The following PXDNL variants were observed in gnomAD, a reference collection of about 807,000 sequenced individuals.
PXDNL encodes peroxidasin like.
PXDNL carries 145 observed loss-of-function variants against 150.8 expected under a neutral mutation model. That is an observed-to-expected ratio of 0.96 (90% CI 0.84 to 1.10). The LOEUF (loss-of-function observed/expected upper bound fraction) is 1.10, where lower values mean the gene tolerates loss of function less well. PXDNL is among the 50% of genes least tolerant of loss of function. The pLI, the probability that PXDNL is intolerant of heterozygous loss-of-function variation, is 0.00. For synonymous variants in PXDNL, 757 were observed against 725.7 expected (o/e 1.04, Z -0.69); for missense variants, 2,087 against 1,873.9 (o/e 1.11, Z -2.10).
At chr8:51,753,771 A>G (rs2037070568) in intron 1 of PXDNL, among the ~76,000 whole-genome samples, 1 of 152,268 alleles carries the variant, frequency 6.6e-6, no homozygotes, top group South Asian at 2.1e-4. Flanking sequence ...AAAGCTGATC[A>G]TCTACAGCAA....
chr8:51,323,913 T>C (rs545565263), intron 21 of PXDNL, among the ~76,000 whole-genome samples: 56 of 125,980 alleles, frequency 4.4e-4, no homozygotes, highest in African/African-American at 1.9e-3. Flanking sequence ...CAAAACTTCA[T>C]CTCAAAAAAA....
intron 19 of PXDNL, among the ~76,000 whole-genome samples, chr8:51,353,444 G>T (rs1806412661): frequency 6.6e-6 from 1 of 151,582 alleles, no homozygotes; most frequent in Non-Finnish European, 1.5e-5. Flanking sequence ...CATAAATTTT[G>T]ATAATAATGT....
At chr8:51,483,777 T>C in intron 5 of PXDNL, 63 bp from the exon 6 acceptor site, 2 of 977,270 alleles carry the variant, frequency 2.0e-6, no homozygotes, top group Non-Finnish European at 3.1e-6. Context: ...AAACAAAACC[T>C]TTCTTTCACC....
In PXDNL at chr8:51,420,267, T is replaced by C. The variant is rs117252813; in HGVS notation, c.1795+3308A>G. 1.4e-3 allele frequency among the ~76,000 whole-genome samples: 212 copies of C among 152,310 alleles called. 9 individuals carry two copies. In the East Asian group the frequency reaches 0.038, roughly 27 times the overall value. Reference sequence around the variant, plus strand: ...CTCCTGTAAGGTATGAACTTTTCCTTTTAGTTATAATGACCTGGTGAATGA... The same window carrying C: ...CTCCTGTAAGGTATGAACTTTTCCTCTTAGTTATAATGACCTGGTGAATGA... On this transcript the variant is annotated intron_variant, in intron 14 of 22. Coordinates refer to ENST00000356297, the MANE Select transcript of PXDNL (RefSeq NM_144651.5).
Position 51,453,588 on chromosome 8 carries a change from C to A in PXDNL, c.1180G>T (p.Gly394Cys). 1 of 1,613,996 alleles carries A rather than the reference C, an allele frequency of 6.2e-7. No homozygotes were observed. Among genetic ancestry groups the A allele is most frequent in the Non-Finnish European group, 8.5e-7 (1 of 1,179,882 alleles). The change falls in exon 10 of 23, where the codon GGT becomes TGT. Residue 394 changes from glycine to cysteine, a missense_variant. By Grantham distance (159) the Gly-to-Cys change is radical. Coordinates refer to ENST00000356297, the MANE Select transcript of PXDNL (RefSeq NM_144651.5). ...YLQNITQRDHGRFTCHANNSH... is the reference protein window; with the variant it reads ...YLQNITQRDHCRFTCHANNSH... ...TTGTTGGCATGACAGGTAAATCGAC[C>A]ATGATCCCGTTGTGTGATGTTCTGT...
At chr8:51,601,342 T>A (rs957996712) in intron 2 of PXDNL, among the ~76,000 whole-genome samples, 3 of 152,084 alleles carry the variant, frequency 2.0e-5, no homozygotes, top group Admixed American at 2.0e-4. Context: ...TGAATATTAC[T>A]GTGTGGCTGT....
intron 17 of PXDNL, among the ~76,000 whole-genome samples, chr8:51,388,689 C>G (rs1339887260): frequency 6.6e-6 from 1 of 152,094 alleles, no homozygotes; most frequent in Non-Finnish European, 1.5e-5. Context: ...CCTCTTGGAA[C>G]TTCTATAAAT....
chr8:51,597,400 A>C (rs1813593476), intron 2 of PXDNL, among the ~76,000 whole-genome samples: 1 of 152,094 alleles, frequency 6.6e-6, no homozygotes, highest in Non-Finnish European at 1.5e-5. Flanking sequence ...TTAGGGTTTC[A>C]TATAAATTTT....
rs558606394 is a variant in PXDNL at position 51,485,593 on chromosome 8, A to C, written c.453-1879T>G. On this transcript the variant is annotated intron_variant, in intron 5 of 22. Coordinates refer to ENST00000356297, the MANE Select transcript of PXDNL (RefSeq NM_144651.5). Reference sequence around the variant, plus strand: ...CCAAGATCATCACCCTATCCTGTTAAATAGGGTCAGCCTGAGCCTTTCTCC... The same window carrying C: ...CCAAGATCATCACCCTATCCTGTTACATAGGGTCAGCCTGAGCCTTTCTCC... 1.1e-4 allele frequency among the ~76,000 whole-genome samples: 16 copies of C among 152,198 alleles called. No individual in the cohort carries two copies. In the South Asian group the frequency reaches 3.3e-3, roughly 32 times the overall value.
intron 2 of PXDNL, among the ~76,000 whole-genome samples, chr8:51,603,929 G>A (rs998738340): frequency 3.3e-5 from 5 of 152,068 alleles, no homozygotes; most frequent in African/African-American, 9.7e-5. Flanking sequence ...CTTACCACAA[G>A]TAATTACTAT....
intron 1 of PXDNL, among the ~76,000 whole-genome samples, chr8:51,766,420 A>G (rs2037232286): frequency 6.6e-6 from 1 of 152,246 alleles, no homozygotes; most frequent in African/African-American, 2.4e-5. Context: ...CCTATGTAGT[A>G]TACTTTGCAG....
At chr8:51,450,231 C>A (rs1045742088) in intron 10 of PXDNL, among the ~76,000 whole-genome samples, 1 of 152,326 alleles carries the variant, frequency 6.6e-6, no homozygotes, top group South Asian at 2.1e-4. Context: ...AACCAGGGGT[C>A]ACTGTCATCG....
intron 3 of PXDNL, among the ~76,000 whole-genome samples, chr8:51,579,952 A>C (rs914809251): frequency 1.3e-5 from 2 of 151,900 alleles, no homozygotes; most frequent in Non-Finnish European, 2.9e-5. Flanking sequence ...ACATGTATAC[A>C]TATGTAACAA....
intron 1 of PXDNL, chr8:51,721,736 C>T (rs1274565968): frequency 9.3e-6 from 4 of 432,188 alleles, no homozygotes; most frequent in Non-Finnish European, 1.8e-5. Flanking sequence ...TCACTATCAT[C>T]ATCATCATCC....
At chr8:51,765,405 CTG>C (rs1253797638) in intron 1 of PXDNL, among the ~76,000 whole-genome samples, 2 of 152,188 alleles carry the variant, frequency 1.3e-5, no homozygotes, top group African/African-American at 4.8e-5. Context: ...CCACGCAGAA[CTG>C]TGAGTCCATT....
intron 2 of PXDNL, among the ~76,000 whole-genome samples, chr8:51,653,455 G>A (rs1563496783): frequency 6.6e-6 from 1 of 152,206 alleles, no homozygotes; most frequent in East Asian, 1.9e-4. Context: ...CAGATCTTTG[G>A]GCCCATCCTG....
intron 4 of PXDNL, among the ~76,000 whole-genome samples, chr8:51,547,022 TA>T (rs1812374669): frequency 6.6e-6 from 1 of 152,120 alleles, no homozygotes. Flanking sequence ...CTGAGCTCGG[TA>T]CTGCCCAATC....
At chr8:51,429,066 A>G (rs1809185891) in intron 12 of PXDNL, among the ~76,000 whole-genome samples, 1 of 152,272 alleles carries the variant, frequency 6.6e-6, no homozygotes, top group African/African-American at 2.4e-5. Flanking sequence ...ATGGCAAGTC[A>G]GCATATGAAA....
chr8:51,363,159 G>T (rs918376999), intron 19 of PXDNL, among the ~76,000 whole-genome samples: 2 of 152,162 alleles, frequency 1.3e-5, no homozygotes, highest in Non-Finnish European at 2.9e-5. Context: ...CCTCACAGCT[G>T]TCTTCCGTCC....
Sources: gnomAD v4.1 joint callset for allele counts (sites outside exome capture counted in the v4.1 genomes callset) on GRCh38, gnomAD v4.1.1 for gene constraint, MANE v1.5 for transcripts, NCBI Gene and HGNC (gene_info 2026-07-23, HGNC 2026-07-21) for gene names.